The following CHLSN variants were observed in gnomAD, a reference collection of about 807,000 sequenced individuals.
The protein encoded by CHLSN is cholesin, also known as protein cholesin.
At chr7:1,029,376 C>T in the CHLSN span, among the ~76,000 whole-genome samples, 2 of 152,196 alleles carry the variant, frequency 1.3e-5, no homozygotes, top group Admixed American at 6.5e-5. Context: ...GATCTTCCTG[C>T]CTCGGCCTCC....
the CHLSN span, among the ~76,000 whole-genome samples, chr7:1,042,034 G>A: frequency 6.6e-6 from 1 of 152,086 alleles, no homozygotes; most frequent in African/African-American, 2.4e-5. Context: ...CAGTGCGCGG[G>A]GCTGCAGAAT....
chr7:1,045,214 G>C, the CHLSN span: 1 of 152,226 alleles, frequency 6.6e-6, no homozygotes, highest in Non-Finnish European at 1.5e-5. Context: ...TACAAACCTG[G>C]CAAGTCAGTT....
At chr7:1,112,054 T>A in the CHLSN span, among the ~76,000 whole-genome samples, 2 of 152,256 alleles carry the variant, frequency 1.3e-5, no homozygotes, top group African/African-American at 4.8e-5. Flanking sequence ...ATTACTTTTT[T>A]AAAATTACAT....
the CHLSN span, among the ~76,000 whole-genome samples, chr7:1,125,950 A>G: frequency 6.6e-6 from 1 of 152,226 alleles, no homozygotes; most frequent in Non-Finnish European, 1.5e-5. Context: ...CAGAAGAGAA[A>G]TTTTAACACT....
the CHLSN span, among the ~76,000 whole-genome samples, chr7:1,111,196 G>A: frequency 7.9e-5 from 12 of 152,226 alleles, no homozygotes; most frequent in Admixed American, 5.2e-4. Flanking sequence ...ACATGTCTCT[G>A]TTATTTTTAG....
chr7:1,077,491 G>C, the CHLSN span, among the ~76,000 whole-genome samples: 25 of 152,040 alleles, frequency 1.6e-4, no homozygotes, highest in East Asian at 1.2e-3. Flanking sequence ...TCCTCCCAGA[G>C]TGCTGGGATT....
chr7:988,630 C>T, the CHLSN span: 1,169 of 1,602,978 alleles, frequency 7.3e-4, no homozygotes, highest in Non-Finnish European at 9.3e-4. Context: ...GGACATCCCC[C>T]GCAGGCCGCC....
At chr7:1,105,209 A>G in the CHLSN span, among the ~76,000 whole-genome samples, 1 of 152,246 alleles carries the variant, frequency 6.6e-6, no homozygotes, top group African/African-American at 2.4e-5. Context: ...TTCAGCTTAA[A>G]ATACCAAACG....
At chr7:1,028,815 T>C in the CHLSN span, 1 of 709,414 alleles carries the variant, frequency 1.4e-6, no homozygotes, top group Non-Finnish European at 1.7e-6. Flanking sequence ...TCTGACTCCA[T>C]GGCCCCCATC....
the CHLSN span, among the ~76,000 whole-genome samples, chr7:1,040,145 T>G: frequency 8.8e-6 from 1 of 113,236 alleles, no homozygotes; most frequent in Non-Finnish European, 2.1e-5. Context: ...TCCCCCTCTG[T>G]GAGAAACACC....
chr7:1,120,816 G>A, the CHLSN span, among the ~76,000 whole-genome samples: 3 of 145,926 alleles, frequency 2.1e-5, no homozygotes, highest in Admixed American at 1.3e-4. Context: ...GGATGGACAC[G>A]GGGCGTAGTG....
the CHLSN span, among the ~76,000 whole-genome samples, chr7:1,130,745 T>C: frequency 6.6e-6 from 1 of 152,092 alleles, no homozygotes; most frequent in African/African-American, 2.4e-5. Flanking sequence ...ACAGAGGTGC[T>C]GGGGAGCCAA....
chr7:1,040,319 C>T, the CHLSN span, among the ~76,000 whole-genome samples: 2 of 151,642 alleles, frequency 1.3e-5, no homozygotes, highest in Non-Finnish European at 2.9e-5. Flanking sequence ...AGTGAGACCC[C>T]CCATCTCTGC....
chr7:985,311 C>T, the CHLSN span: 1 of 1,550,672 alleles, frequency 6.4e-7, no homozygotes, highest in Non-Finnish European at 8.7e-7. Flanking sequence ...TCTTGGGGTC[C>T]CCTGGCCTGC....
At chr7:981,584 T>TGC in the CHLSN span, among the ~76,000 whole-genome samples, 79 of 152,024 alleles carry the variant, frequency 5.2e-4, no homozygotes, top group Non-Finnish European at 8.5e-4. Context: ...TGTGGTGGCA[T>TGC]GTGCCTGTAA....
At chr7:1,089,399 CAGGCTCG>C in the CHLSN span, among the ~76,000 whole-genome samples, 15 of 150,796 alleles carry the variant, frequency 9.9e-5, no homozygotes, top group African/African-American at 3.2e-4. Context: ...TGCAGTAGCT[CAGGCTCG>C]AGTGCAGTGG....
chr7:1,060,365 C>T, the CHLSN span, among the ~76,000 whole-genome samples: 1 of 152,170 alleles, frequency 6.6e-6, no homozygotes, highest in Non-Finnish European at 1.5e-5. Context: ...AGGACCCCAC[C>T]CCTTCTGAAG....
the CHLSN span, chr7:1,058,801 A>G: frequency 6.5e-6 from 3 of 459,624 alleles, no homozygotes; most frequent in Non-Finnish European, 1.2e-5. Flanking sequence ...CCTCCTCAGC[A>G]TTCAGTTTGT....
At chr7:1,094,803 G>T in the CHLSN span, among the ~76,000 whole-genome samples, 1 of 152,180 alleles carries the variant, frequency 6.6e-6, no homozygotes, top group Admixed American at 6.5e-5. Context: ...GGGTCTCTCA[G>T]GCAGGTGGGG....
Sources: gnomAD v4.1 joint callset for allele counts (sites outside exome capture counted in the v4.1 genomes callset) on GRCh38, gnomAD v4.1.1 for gene constraint, MANE v1.5 for transcripts, NCBI Gene and HGNC (gene_info 2026-07-23, HGNC 2026-07-21) for gene names.